C13orf42: variants seen among roughly 807,000 people sequenced by gnomAD.
C13orf42 encodes the protein uncharacterized protein C13orf42.
intron 1 of C13orf42, among the ~76,000 whole-genome samples, chr13:51,164,623 G>A (rs1447244535): frequency 6.6e-6 from 1 of 152,160 alleles, no homozygotes; most frequent in African/African-American, 2.4e-5. Flanking sequence ...TTGCACCACT[G>A]CGCTCCAGCC....
Position 51,104,382 on chromosome 13 carries a change from C to A in C13orf42, c.414+6414G>T, listed in dbSNP as rs557903763. 5.9e-5 allele frequency among the ~76,000 whole-genome samples: 9 copies of A among 152,236 alleles called. No individual in the cohort carries two copies. The South Asian group carries it at 1.2e-3, about 21-fold the overall frequency. Reference sequence around the variant, plus strand: ...ACTTTTAAAAAAATTGATACAAAGTCATTCAAAGAAAAGCATTTAGTACAT... The same window carrying A: ...ACTTTTAAAAAAATTGATACAAAGTAATTCAAAGAAAAGCATTTAGTACAT... On this transcript the variant is annotated intron_variant, in intron 1 of 3. Transcript: ENST00000563710.
intron 1 of C13orf42, among the ~76,000 whole-genome samples, chr13:51,093,358 C>A (rs943126745): frequency 6.6e-6 from 1 of 152,164 alleles, no homozygotes; most frequent in Admixed American, 6.6e-5. Flanking sequence ...TCCAGTAGGA[C>A]TTTCTGTAGT....
chr13:51,121,413 G>A (rs1371600611), intron 1 of C13orf42, among the ~76,000 whole-genome samples: 4 of 152,122 alleles, frequency 2.6e-5, no homozygotes, highest in Admixed American at 1.3e-4. Context: ...TGCTATTAGT[G>A]ACAGCATCTA....
intron 1 of C13orf42, among the ~76,000 whole-genome samples, chr13:51,108,654 C>T (rs564345293): frequency 6.6e-6 from 1 of 152,312 alleles, no homozygotes; most frequent in East Asian, 1.9e-4. Context: ...CGTGCAGGAG[C>T]CTACTCCTCA....
intron 1 of C13orf42, among the ~76,000 whole-genome samples, chr13:51,149,109 T>C (rs1953759330): frequency 6.6e-6 from 1 of 152,102 alleles, no homozygotes; most frequent in Non-Finnish European, 1.5e-5. Flanking sequence ...TGGGCAAGAA[T>C]TTCAACCACG....
intron 2 of C13orf42, among the ~76,000 whole-genome samples, chr13:51,086,047 C>T (rs889065563): frequency 3.3e-5 from 5 of 151,522 alleles, no homozygotes; most frequent in African/African-American, 1.2e-4. Context: ...TGGCTCACAC[C>T]TGTAATCCCA....
intron 1 of C13orf42, among the ~76,000 whole-genome samples, chr13:51,170,865 T>C (rs1316613533): frequency 6.6e-6 from 1 of 151,734 alleles, no homozygotes; most frequent in Non-Finnish European, 1.5e-5. Flanking sequence ...CAGGGGCAAG[T>C]ACCCCTCAAT....
At chr13:51,101,397 GA>G (rs923228100) in intron 1 of C13orf42, among the ~76,000 whole-genome samples, 2 of 151,870 alleles carry the variant, frequency 1.3e-5, no homozygotes, top group Admixed American at 6.6e-5. Context: ...TTTATTATCA[GA>G]AAAAAATGTA....
intron 1 of C13orf42, among the ~76,000 whole-genome samples, chr13:51,104,455 G>C (rs1953327766): frequency 6.6e-6 from 1 of 152,142 alleles, no homozygotes; most frequent in South Asian, 2.1e-4. Flanking sequence ...GGGAGGCTGA[G>C]GTGGGCAGAT....
intron 1 of C13orf42, among the ~76,000 whole-genome samples, chr13:51,109,159 T>C (rs1953396837): frequency 6.6e-6 from 1 of 152,236 alleles, no homozygotes; most frequent in East Asian, 1.9e-4. Context: ...TAGGACCCTT[T>C]TTTATGGGCC....
At chr13:51,097,273 G>C (rs1332207813) in intron 1 of C13orf42, among the ~76,000 whole-genome samples, 1 of 152,222 alleles carries the variant, frequency 6.6e-6, no homozygotes, top group African/African-American at 2.4e-5. Flanking sequence ...TATAGTTAGA[G>C]ATAGGCTTCC....
At chr13:51,118,114 C>T (rs1953506673) in intron 1 of C13orf42, among the ~76,000 whole-genome samples, 1 of 152,188 alleles carries the variant, frequency 6.6e-6, no homozygotes, top group African/African-American at 2.4e-5. Flanking sequence ...CCAGTTCCAA[C>T]TTCTGTTGCT....
chr13:51,167,822 T>C (rs1410331322), intron 1 of C13orf42, among the ~76,000 whole-genome samples: 1 of 152,240 alleles, frequency 6.6e-6, no homozygotes, highest in African/African-American at 2.4e-5. Flanking sequence ...TGATGGAAGA[T>C]AACATATGTG....
chr13:51,116,785 G>A (rs1252708143), intron 1 of C13orf42, among the ~76,000 whole-genome samples: 1 of 152,236 alleles, frequency 6.6e-6, no homozygotes. Context: ...TCTGTTGGAT[G>A]TGCCAGTGGC....
At chr13:51,091,736 G>C (rs1460844442) in intron 1 of C13orf42, among the ~76,000 whole-genome samples, 3 of 151,992 alleles carry the variant, frequency 2.0e-5, no homozygotes, top group African/African-American at 7.3e-5. Context: ...GACAGCAAAG[G>C]GGCCCACGAT....
chr13:51,093,626 C>A (rs1380445167), intron 1 of C13orf42, among the ~76,000 whole-genome samples: 1 of 152,114 alleles, frequency 6.6e-6, no homozygotes, highest in Non-Finnish European at 1.5e-5. Flanking sequence ...GCACACAGTG[C>A]ATATTTTCCT....
At chr13:51,119,942 C>T (rs181044118) in intron 1 of C13orf42, among the ~76,000 whole-genome samples, 9 of 151,548 alleles carry the variant, frequency 5.9e-5, no homozygotes, top group Admixed American at 5.3e-4. Context: ...GAGGAACTCC[C>T]GACTCAAAGA....
intron 1 of C13orf42, among the ~76,000 whole-genome samples, chr13:51,133,458 A>C (rs1953634295): frequency 6.6e-6 from 1 of 152,262 alleles, no homozygotes; most frequent in South Asian, 2.1e-4. Context: ...AAGATGGTTA[A>C]AATTGTGAAT....
intron 1 of C13orf42, among the ~76,000 whole-genome samples, chr13:51,147,807 G>A (rs1953749884): frequency 6.6e-6 from 1 of 152,018 alleles, no homozygotes; most frequent in Non-Finnish European, 1.5e-5. Flanking sequence ...CCTGAGAGAT[G>A]TTTAAAAATA....
Sources: gnomAD v4.1 joint callset for allele counts (sites outside exome capture counted in the v4.1 genomes callset) on GRCh38, gnomAD v4.1.1 for gene constraint, MANE v1.5 for transcripts, NCBI Gene and HGNC (gene_info 2026-07-23, HGNC 2026-07-21) for gene names.